Variants in PDE3A observed in about 807,000 individuals in gnomAD.
PDE3A encodes the protein cGMP-inhibited 3',5'-cyclic phosphodiesterase 3A.
A neutral mutation model predicts 98.3 loss-of-function variants in PDE3A; 43 were observed. The ratio of observed to expected loss-of-function variants is 0.44; its 90% CI spans 0.34 to 0.56. PDE3A has a LOEUF of 0.56. Ranked by LOEUF, PDE3A falls within the 20% of genes least tolerant of loss-of-function variation. The probability of loss-of-function intolerance (pLI) is 0.01; values close to 1 mark genes in which losing one functional copy is unlikely to be tolerated. For synonymous variants in PDE3A, 663 were observed against 567.9 expected, an observed-to-expected ratio of 1.17 and a Z score of -2.38; for missense variants, 1,427 against 1,440.7, an observed-to-expected ratio of 0.99 and a Z score of 0.15.
chr12:20,551,766 G>C, intron 1 of PDE3A: 1 of 1,613,566 alleles, frequency 6.2e-7, no homozygotes, highest in Middle Eastern at 1.7e-4. Context: ...GGCTGAGAGA[G>C]AGCAAGAAGA....
At chr12:20,554,229 T>G (rs1430089294) in intron 1 of PDE3A, among the ~76,000 whole-genome samples, 1 of 149,694 alleles carries the variant, frequency 6.7e-6, no homozygotes, top group Non-Finnish European at 1.5e-5. Flanking sequence ...TTTTAAAGGG[T>G]TTTTTTTCAC....
intron 1 of PDE3A, among the ~76,000 whole-genome samples, chr12:20,459,671 G>A (rs1424718479): frequency 6.6e-6 from 1 of 152,086 alleles, no homozygotes; most frequent in Non-Finnish European, 1.5e-5. Flanking sequence ...GCATTAATCT[G>A]AAATATATAC....
rs754247031 is a variant in PDE3A at position 20,648,675 on chromosome 12, C to T, written c.2566-13C>T. 1.3e-5 allele frequency: 20 copies of T among 1,548,932 alleles called. No individual in the cohort carries two copies. On this transcript the variant is annotated splice_polypyrimidine_tract_variant and intron_variant, in intron 12 of 15. Transcript: ENST00000359062. ...CTTAAAAAGTTGAACTCTTAACTGT[C>T]TTATTTGCCTAGGCGGTGCTATATA... is the stretch of plus-strand genomic sequence containing the variant.
intron 2 of PDE3A, among the ~76,000 whole-genome samples, chr12:20,587,103 C>T (rs1943216565): frequency 2.6e-5 from 4 of 152,240 alleles, no homozygotes; most frequent in African/African-American, 9.6e-5. Flanking sequence ...GGCGCAGTGG[C>T]TCAAACCTGT....
In PDE3A at chr12:20,629,931, C is replaced by G. The variant is rs1311544395; in HGVS notation, c.1564C>G (p.Leu522Val). ...AGGTGCCCTCGCTAAAATTTCACCTCTTTCATCGCCCTGCTCCTCACCTCT... is the reference window on the plus strand; with the variant it reads ...AGGTGCCCTCGCTAAAATTTCACCTGTTTCATCGCCCTGCTCCTCACCTCT... ...RPGALAKISP[L>V]SSPCSSPLQG... is the part of the protein sequence containing the mutation. Residue 522 changes from leucine (L) to valine (V), a missense_variant, in exon 6 of 16, where the codon CTT (leucine) becomes GTT (valine). Coordinates refer to ENST00000359062, the MANE Select transcript of PDE3A (RefSeq NM_000921.5). 6 of 1,613,832 alleles carry G rather than the reference C, an allele frequency of 3.7e-6. No individual in the cohort carries two copies. In the African/African-American group the frequency reaches 6.7e-5, roughly 18 times the overall value.
intron 5 of PDE3A, among the ~76,000 whole-genome samples, chr12:20,622,012 C>T (rs1367063737): frequency 6.6e-6 from 1 of 152,044 alleles, no homozygotes; most frequent in Non-Finnish European, 1.5e-5. Flanking sequence ...TCTGACCTTT[C>T]CTTTTTGGAA....
chr12:20,571,066 GGAT>G (rs547321760), intron 2 of PDE3A, among the ~76,000 whole-genome samples: 1 of 152,270 alleles, frequency 6.6e-6, no homozygotes, highest in South Asian at 2.1e-4. Flanking sequence ...GTGTCAGTAT[GGAT>G]GATGATTGGA....
chr12:20,516,843 T>TA (rs1946331706), intron 1 of PDE3A, among the ~76,000 whole-genome samples: 1 of 152,216 alleles, frequency 6.6e-6, no homozygotes, highest in Non-Finnish European at 1.5e-5. Context: ...TACATTGAGA[T>TA]AAGTTTTATT....
intron 1 of PDE3A, among the ~76,000 whole-genome samples, chr12:20,449,412 T>C (rs556730275): frequency 6.6e-6 from 1 of 152,334 alleles, no homozygotes; most frequent in Non-Finnish European, 1.5e-5. Flanking sequence ...GACATTGTCA[T>C]TTATTTTTTA....
At position 20,370,207 on chromosome 12, in the gene PDE3A, A is replaced by G. The variant is rs932728043; in HGVS notation, c.923A>G (p.His308Arg). The change falls in exon 1 of 16, where the codon CAT becomes CGT. Residue 308 changes from histidine to arginine, a missense_variant. Physicochemically the swap from His to Arg is conservative, Grantham distance 29. This residue lies in a region of PDE3A where 1,012 missense variants were observed against 886.5 expected (regional missense o/e 1.14). Coordinates refer to ENST00000359062, the MANE Select transcript of PDE3A (RefSeq NM_000921.5). ...AEMSGCSSKS[H>R]RRTSLPCIPR... ...ATGTCCGGCTGCAGCAGCAAGTCCC[A>G]TCGGAGGACCTCCCTGCCCTGTATA... The G allele has an allele frequency of 6.2e-7, 1 of 1,604,036 alleles. No homozygotes were observed. Among genetic ancestry groups the G allele is most frequent in the Middle Eastern group, 1.7e-4 (1 of 5,982 alleles).
chr12:20,467,579 A>T (rs1202041249), intron 1 of PDE3A, among the ~76,000 whole-genome samples: 1 of 152,052 alleles, frequency 6.6e-6, no homozygotes, highest in Non-Finnish European at 1.5e-5. Context: ...TAGATTTTGA[A>T]CTTCTTCCAC....
intron 1 of PDE3A, among the ~76,000 whole-genome samples, chr12:20,431,679 T>C (rs1002303047): frequency 2.0e-5 from 3 of 152,092 alleles, no homozygotes; most frequent in African/African-American, 7.2e-5. Flanking sequence ...TTTTGACGTA[T>C]ATGTACCTAT....
At position 20,555,259 on chromosome 12, in the gene PDE3A, C is replaced by T. The variant is rs1241382017; in HGVS notation, c.961-1401C>T. The stretch of plus-strand genomic sequence containing the variant: ...GAACTCCTCACCACAGGAAATCCGC[C>T]CGCCTTGGCTTCCCTAAATACTAGG... On this transcript the variant is annotated intron_variant, in intron 1 of 15. Transcript: ENST00000359062. Among the ~76,000 whole-genome samples the T allele has an allele frequency of 3.9e-5, 6 of 152,286 alleles. No homozygotes were observed. In the East Asian group the frequency reaches 1.2e-3, roughly 29 times the overall value.
chr12:20,616,405 G>T (rs1430223972), intron 4 of PDE3A, 21 bp downstream of exon 4: 1 of 1,609,194 alleles, frequency 6.2e-7, no homozygotes, highest in Non-Finnish European at 8.5e-7. Context: ...GCTCCTGCTG[G>T]TTTAATGTCT....
intron 1 of PDE3A, among the ~76,000 whole-genome samples, chr12:20,444,954 C>T (rs549637435): frequency 9.9e-5 from 15 of 152,266 alleles, no homozygotes; most frequent in Admixed American, 6.5e-4. Context: ...TTGGAGCCTA[C>T]GCGGGATCAG....
chr12:20,371,688 A>G (rs1023693722), intron 1 of PDE3A, among the ~76,000 whole-genome samples: 4 of 152,118 alleles, frequency 2.6e-5, no homozygotes, highest in African/African-American at 9.7e-5. Flanking sequence ...TTGTTTCGAT[A>G]AAACAAATGT....
At chr12:20,562,612 G>GA (rs1942556999) in intron 2 of PDE3A, among the ~76,000 whole-genome samples, 1 of 152,040 alleles carries the variant, frequency 6.6e-6, no homozygotes, top group African/African-American at 2.4e-5. Flanking sequence ...GCTCCTTGTG[G>GA]AAAAGATTAG....
At chr12:20,464,749 G>A (rs1187618705) in intron 1 of PDE3A, among the ~76,000 whole-genome samples, 1 of 152,078 alleles carries the variant, frequency 6.6e-6, no homozygotes, top group Non-Finnish European at 1.5e-5. Context: ...ACGTGGGATT[G>A]AATAAAATGA....
chr12:20,396,785 A>T (rs1047171744), intron 1 of PDE3A, among the ~76,000 whole-genome samples: 2 of 152,142 alleles, frequency 1.3e-5, no homozygotes, highest in African/African-American at 4.8e-5. Flanking sequence ...GCCACAGTTC[A>T]TTGAACTGTC....
Sources: allele counts gnomAD v4.1 joint callset (sites outside exome capture counted in the v4.1 genomes callset), GRCh38; gene constraint gnomAD v4.1.1; regional missense constraint gnomAD v4.1.1; transcripts MANE v1.5; gene names NCBI Gene and HGNC (gene_info 2026-07-23, HGNC 2026-07-21).